The following ARHGAP6 variants were observed in gnomAD, a reference collection of about 807,000 sequenced individuals.
The protein encoded by ARHGAP6 is rho GTPase-activating protein 6.
Under a neutral mutation model 55.7 loss-of-function variants are expected in ARHGAP6, and 16 were observed. The observed-to-expected ratio is 0.29, with a 90% CI of 0.19 to 0.44. ARHGAP6 has a LOEUF of 0.44. ARHGAP6 is among the 20% of genes least tolerant of loss of function. The pLI is 1.00. For synonymous variants in ARHGAP6, 382 were observed against 360.9 expected (o/e 1.06, Z -0.66); for missense variants, 698 against 808.9 (o/e 0.86, Z 1.66).
In ARHGAP6 at chrX:11,138,590, T is replaced by G; in HGVS notation, c.*273A>C. 2.5e-6 allele frequency: 1 copy of G among 393,017 alleles called. No homozygotes were observed. Among genetic ancestry groups the G allele is most frequent in the Non-Finnish European group, 4.4e-6 (1 of 227,682 alleles). The allele number at this position is 393,017 out of a possible 1,213,427, so 32.4% of individuals were successfully genotyped here. On this transcript the variant is annotated 3_prime_UTR_variant, in exon 13 of 13. Transcript: ENST00000337414. ...TATACCAAGCAAGAGTTGTATCTTA[T>G]ATTATAGAGCCAAGAGGGACGTTTT...
chrX:11,514,001 A>C (rs1403499373), intron 1 of ARHGAP6, among the ~76,000 whole-genome samples: 2 of 108,345 alleles, frequency 1.8e-5, no homozygotes, highest in African/African-American at 3.4e-5. Context: ...ATCTCTACTA[A>C]AAATACAAAA....
intron 1 of ARHGAP6, among the ~76,000 whole-genome samples, chrX:11,559,030 T>C (rs1197042421): frequency 9.5e-6 from 1 of 105,123 alleles, no homozygotes; most frequent in African/African-American, 3.5e-5. Flanking sequence ...CCACAGCTAT[T>C]TTTCAGCTAT....
chrX:11,410,576 C>T lies in ARHGAP6; in HGVS notation c.589-155869G>A, dbSNP rs187541643. On this transcript the variant is annotated intron_variant, in intron 1 of 12. Transcript: ENST00000337414. Reference sequence around the variant, plus strand: ...GCTAGTGGTGATGGTTGTACAACTCCGTGAATGTACTAAAACCCACTGAAC... The same window carrying T: ...GCTAGTGGTGATGGTTGTACAACTCTGTGAATGTACTAAAACCCACTGAAC... Among the ~76,000 whole-genome samples the T allele has an allele frequency of 3.8e-3, 425 of 112,132 alleles. 1 individual carries two copies. Among genetic ancestry groups the T allele is most frequent in the Middle Eastern group, 0.014 (3 of 218 alleles).
chrX:11,420,087 T>C (rs974570893), intron 1 of ARHGAP6, among the ~76,000 whole-genome samples: 2 of 111,994 alleles, frequency 1.8e-5, no homozygotes, highest in Non-Finnish European at 3.8e-5. Flanking sequence ...GGAAGAGTCT[T>C]CAGTAACAGT....
chrX:11,434,097 G>A (rs1017026216), intron 1 of ARHGAP6, among the ~76,000 whole-genome samples: 4 of 111,724 alleles, frequency 3.6e-5, no homozygotes, highest in Non-Finnish European at 7.5e-5. Flanking sequence ...GCAGGGGAAG[G>A]GTGTCACTTG....
At chrX:11,550,616 T>A (rs2051256896) in intron 1 of ARHGAP6, among the ~76,000 whole-genome samples, 2 of 111,983 alleles carry the variant, frequency 1.8e-5, no homozygotes, top group Admixed American at 1.9e-4. Context: ...GAAGGTAAGA[T>A]GTCAGTCTGA....
rs185763648 is a variant in ARHGAP6 at position 11,296,734 on chromosome X, C to G, written c.589-42027G>C. 2.6e-5 allele frequency: 30 copies of G among 1,146,543 alleles called. No homozygotes were observed. In the Admixed American group the frequency reaches 6.6e-4, roughly 25 times the overall value. 94.5% of individuals were successfully genotyped at this position (1,146,543 alleles called of 1,213,427 possible). A position where few individuals can be genotyped will look rare whatever the true frequency, so the allele number is the denominator to read the frequency against. ...TCTCTCTTCTCTTCCTTCACTCTCT[C>G]CCTTCCTCTCTCTTTCTATTCTCCT... is the stretch of plus-strand genomic sequence containing the variant. On this transcript the variant is annotated intron_variant, in intron 1 of 12. Transcript: ENST00000337414.
chrX:11,623,487 C>T (rs1440829814), intron 1 of ARHGAP6, among the ~76,000 whole-genome samples: 1 of 108,984 alleles, frequency 9.2e-6, no homozygotes, highest in Non-Finnish European at 1.9e-5. Flanking sequence ...GTCAGGAGAT[C>T]GAGACCATCC....
intron 8 of ARHGAP6, among the ~76,000 whole-genome samples, chrX:11,173,732 G>A (rs191164159): frequency 8.9e-6 from 1 of 111,990 alleles, no homozygotes; most frequent in Non-Finnish European, 1.9e-5. Context: ...CATCTTTAAG[G>A]TCTCACCAGT....
chrX:11,503,211 A>G (rs1307403483), intron 1 of ARHGAP6, among the ~76,000 whole-genome samples: 1 of 111,210 alleles, frequency 9.0e-6, no homozygotes, highest in Non-Finnish European at 1.9e-5. Context: ...CAGATTTTAT[A>G]TTGCAGAGAG....
At chrX:11,293,666 G>A (rs1326687778) in intron 1 of ARHGAP6, among the ~76,000 whole-genome samples, 1 of 111,794 alleles carries the variant, frequency 8.9e-6, no homozygotes, top group African/African-American at 3.2e-5. Context: ...CAAAGTGCTT[G>A]TCTAATTCCA....
chrX:11,588,528 C>G (rs769479562), intron 1 of ARHGAP6, among the ~76,000 whole-genome samples: 1 of 112,397 alleles, frequency 8.9e-6, no homozygotes, highest in African/African-American at 3.2e-5. Context: ...AACTATCCAT[C>G]ACCTGAAAAA....
chrX:11,143,886 G>A (rs144595028), intron 11 of ARHGAP6, 94 bp downstream of exon 11: 147 of 1,200,428 alleles, frequency 1.2e-4, no homozygotes, highest in Non-Finnish European at 1.5e-4. Flanking sequence ...AGGGAGAGAC[G>A]AAGAGAAGGT....
At chrX:11,428,853 G>A (rs951778325) in intron 1 of ARHGAP6, among the ~76,000 whole-genome samples, 1 of 112,025 alleles carries the variant, frequency 8.9e-6, no homozygotes, top group African/African-American at 3.2e-5. Flanking sequence ...AGCCAGGGGT[G>A]CAAGTGGCCT....
At chrX:11,590,836 GA>G (rs1569410818) in intron 1 of ARHGAP6, among the ~76,000 whole-genome samples, 2 of 32,712 alleles carry the variant, frequency 6.1e-5, no homozygotes, top group Admixed American at 4.7e-4. Flanking sequence ...GAAAAGAAAA[GA>G]AAAGAAAAGA....
chrX:11,341,271 AG>A (rs1264373255), intron 1 of ARHGAP6, among the ~76,000 whole-genome samples: 1 of 111,688 alleles, frequency 9.0e-6, no homozygotes, highest in Non-Finnish European at 1.9e-5. Context: ...CAAGATTCAC[AG>A]GTTTAGAGTT....
At chrX:11,335,349 C>A (rs2048619048) in intron 1 of ARHGAP6, 1 of 121,464 alleles carries the variant, frequency 8.2e-6, no homozygotes, top group South Asian at 3.2e-4. Context: ...TTAGGTATTT[C>A]TCCTAATGTT....
At chrX:11,581,805 G>A (rs772467928) in intron 1 of ARHGAP6, among the ~76,000 whole-genome samples, 2 of 110,423 alleles carry the variant, frequency 1.8e-5, no homozygotes, top group East Asian at 5.7e-4. Context: ...TTGGGTATGA[G>A]GTTCCTTTGG....
At chrX:11,488,640 G>A (rs1020192199) in intron 1 of ARHGAP6, among the ~76,000 whole-genome samples, 1 of 110,674 alleles carries the variant, frequency 9.0e-6, no homozygotes, top group Non-Finnish European at 1.9e-5. Flanking sequence ...GCAGACCAGC[G>A]AGCATTACCA....
Sources: allele counts gnomAD v4.1 joint callset (sites outside exome capture counted in the v4.1 genomes callset), GRCh38; gene constraint gnomAD v4.1.1; transcripts MANE v1.5; gene names NCBI Gene and HGNC (gene_info 2026-07-23, HGNC 2026-07-21).